Variants in GALNT10 observed in about 807,000 individuals in gnomAD.
GALNT10 encodes the protein polypeptide N-acetylgalactosaminyltransferase 10, also known as GalNAc transferase 10.
A neutral mutation model predicts 75.0 loss-of-function variants in GALNT10; 41 were observed. The ratio of observed to expected loss-of-function variants is 0.55; its 90% CI spans 0.43 to 0.71. The LOEUF is 0.71. Among genes scored for constraint, GALNT10 ranks in the 30% least tolerant of loss-of-function variants. The pLI is 0.00. For synonymous variants in GALNT10, 302 were observed against 313.0 expected (o/e 0.96, Z 0.37); for missense variants, 727 against 818.5 (o/e 0.89, Z 1.36).
chr5:154,367,774 C>T (rs1236237351), intron 4 of GALNT10, among the ~76,000 whole-genome samples: 1 of 151,256 alleles, frequency 6.6e-6, no homozygotes, highest in African/African-American at 2.4e-5. Flanking sequence ...AGGAGAATGG[C>T]ATGAACCCAG....
At chr5:154,333,563 C>A (rs1278121417) in intron 4 of GALNT10, among the ~76,000 whole-genome samples, 1 of 152,110 alleles carries the variant, frequency 6.6e-6, no homozygotes, top group African/African-American at 2.4e-5. Context: ...ATAACCCCCT[C>A]CCCCACCAGT....
intron 1 of GALNT10, among the ~76,000 whole-genome samples, chr5:154,271,433 TC>T (rs377755582): frequency 1.2e-4 from 18 of 152,154 alleles, no homozygotes; most frequent in African/African-American, 4.1e-4. Flanking sequence ...ATCATTGCAC[TC>T]CAGCCTGGGC....
rs760933795 is a variant in GALNT10, at chr5:154,376,237, A to T, written c.569-40A>T. Reference sequence around the variant, plus strand: ...GGAGGAGTCATAAGGATGACTACTAAGCAACTGTTCTCACTCTTCTGTCCT... The same window carrying T: ...GGAGGAGTCATAAGGATGACTACTATGCAACTGTTCTCACTCTTCTGTCCT... On this transcript the variant is annotated intron_variant, in intron 4 of 11. Coordinates refer to ENST00000297107, the MANE Select transcript of GALNT10 (RefSeq NM_198321.4). This position sits in a 1 kb window ranked among gnomAD's most constrained non-coding sequence, Gnocchi z 4.1. 7.4e-7 allele frequency: 1 copy of T among 1,350,892 alleles called. No homozygotes were observed. Among genetic ancestry groups the T allele is most frequent in the African/African-American group, 1.4e-5 (1 of 68,972 alleles). 83.7% of individuals were successfully genotyped at this position (1,350,892 alleles called of 1,614,324 possible).
At chr5:154,293,613 A>ATATTTT in intron 1 of GALNT10, among the ~76,000 whole-genome samples, 2 of 109,360 alleles carry the variant, frequency 1.8e-5, no homozygotes, top group South Asian at 5.0e-4. Context: ...ATATATATAT[A>ATATTTT]TTTTTTTTTT....
intron 3 of GALNT10, among the ~76,000 whole-genome samples, chr5:154,319,633 GT>G (rs1174607789): frequency 6.6e-6 from 1 of 152,216 alleles, no homozygotes; most frequent in Non-Finnish European, 1.5e-5. Context: ...GGCAGCAGAG[GT>G]TATATTGCCT....
chr5:154,413,293 G>T (rs1756440684), intron 10 of GALNT10, among the ~76,000 whole-genome samples: 1 of 152,220 alleles, frequency 6.6e-6, no homozygotes, highest in South Asian at 2.1e-4. Context: ...AAGCCTTGAT[G>T]ATGTTGCTGG....
chr5:154,292,420 A>G (rs1467615465), intron 1 of GALNT10, among the ~76,000 whole-genome samples: 3 of 152,204 alleles, frequency 2.0e-5, no homozygotes, highest in Non-Finnish European at 4.4e-5. Context: ...CTTCCATTAA[A>G]AGATCCTCAG....
chr5:154,371,158 C>T (rs1755556283), intron 4 of GALNT10, among the ~76,000 whole-genome samples: 1 of 152,170 alleles, frequency 6.6e-6, no homozygotes, highest in Non-Finnish European at 1.5e-5. Context: ...TTCCTTGGCT[C>T]ATAGACTCAC....
chr5:154,267,932 G>T (rs1268516984), intron 1 of GALNT10, among the ~76,000 whole-genome samples: 1 of 152,136 alleles, frequency 6.6e-6, no homozygotes, highest in Admixed American at 6.6e-5. Context: ...TGTAGAAACT[G>T]ATTAACAGGA....
chr5:154,393,285 G>C lies in GALNT10; in HGVS notation c.1056+6855G>C, dbSNP rs556801934. ...GACAGGGTCTCCATATGTTGCCCAG[G>C]CTGGTCTCAAACTCCTGGCCTCAAG... On this transcript the variant is annotated intron_variant, in intron 7 of 11. Transcript: ENST00000297107. 6.6e-5 allele frequency among the ~76,000 whole-genome samples: 10 copies of C among 152,102 alleles called. No homozygotes were observed. The South Asian group carries it at 2.1e-3, about 32-fold the overall frequency.
chr5:154,238,818 T>C (rs1753288815), intron 1 of GALNT10, among the ~76,000 whole-genome samples: 1 of 152,252 alleles, frequency 6.6e-6, no homozygotes, highest in Non-Finnish European at 1.5e-5. Flanking sequence ...TGTTGGCTTT[T>C]ACCTTCAGAA....
At chr5:154,245,822 T>G (rs1753412758) in intron 1 of GALNT10, among the ~76,000 whole-genome samples, 1 of 151,790 alleles carries the variant, frequency 6.6e-6, no homozygotes, top group Non-Finnish European at 1.5e-5. Context: ...TTTTTTTTTT[T>G]TTTACTTTAA....
At chr5:154,316,593 T>C (rs181269944) in intron 3 of GALNT10, among the ~76,000 whole-genome samples, 1 of 152,362 alleles carries the variant, frequency 6.6e-6, no homozygotes, top group East Asian at 1.9e-4. Flanking sequence ...AATTTATTAC[T>C]GTTTATGTTA....
chr5:154,215,277 T>G (rs1425441081), intron 1 of GALNT10, among the ~76,000 whole-genome samples: 2 of 151,932 alleles, frequency 1.3e-5, no homozygotes, highest in African/African-American at 4.8e-5. Flanking sequence ...AGTCAAGAGA[T>G]TGAGACCATC....
At chr5:154,375,568 G>C (rs1311703341) in intron 4 of GALNT10, among the ~76,000 whole-genome samples, 3 of 152,182 alleles carry the variant, frequency 2.0e-5, no homozygotes, top group Non-Finnish European at 4.4e-5. Context: ...CGTGAGTCTA[G>C]GGAACTGAAA....
At chr5:154,260,232 CA>C (rs1175733998) in intron 1 of GALNT10, among the ~76,000 whole-genome samples, 4 of 152,126 alleles carry the variant, frequency 2.6e-5, no homozygotes, top group African/African-American at 7.2e-5. Flanking sequence ...CCAACCCTCC[CA>C]AAAAAACCCA....
intron 1 of GALNT10, among the ~76,000 whole-genome samples, chr5:154,256,777 A>G (rs961274185): frequency 9.2e-5 from 14 of 152,196 alleles, no homozygotes; most frequent in Non-Finnish European, 1.8e-4. Flanking sequence ...GTCCTTCTAT[A>G]CAGGCTTCAA....
chr5:154,380,382 C>A, intron 5 of GALNT10, 66 bp from the exon 6 acceptor site: 1 of 1,245,008 alleles, frequency 8.0e-7, no homozygotes, highest in Non-Finnish European at 1.2e-6. Context: ...AGCTGCAGAA[C>A]AGGATGGTGC....
At chr5:154,396,402 C>T (rs1756020314) in intron 7 of GALNT10, among the ~76,000 whole-genome samples, 1 of 152,074 alleles carries the variant, frequency 6.6e-6, no homozygotes, top group African/African-American at 2.4e-5. Flanking sequence ...TGGCAGAGGG[C>T]CTGATTGCAA....
Sources: gnomAD v4.1 joint callset for allele counts (sites outside exome capture counted in the v4.1 genomes callset) on GRCh38, gnomAD v4.1.1 for gene constraint, Gnocchi (gnomAD v3.1) non-coding constraint, MANE v1.5 for transcripts, NCBI Gene and HGNC (gene_info 2026-07-23, HGNC 2026-07-21) for gene names.